SUGCT: variants seen among roughly 807,000 people sequenced by gnomAD.
SUGCT encodes succinyl-CoA:glutarate CoA-transferase.
Under a neutral mutation model 55.0 loss-of-function variants are expected in SUGCT, and 41 were observed. That is an observed-to-expected ratio of 0.74 (90% CI 0.58 to 0.97). The LOEUF (loss-of-function observed/expected upper bound fraction) is 0.97. SUGCT is among the 50% of genes least tolerant of loss of function. SUGCT has a pLI of 0.00. For synonymous variants in SUGCT, 187 were observed against 200.4 expected (o/e 0.93, Z 0.56); for missense variants, 568 against 547.8 (o/e 1.04, Z -0.37).
intron 3 of SUGCT, 26 bp downstream of exon 3, chr7:40,182,054 A>G: frequency 7.6e-7 from 1 of 1,324,026 alleles, no homozygotes; most frequent in Non-Finnish European, 1.1e-6. Flanking sequence ...CCTTTAAAAA[A>G]TAGAAACAAG....
At chr7:41,034,737 T>C in the SUGCT span, among the ~76,000 whole-genome samples, 10 of 152,206 alleles carry the variant, frequency 6.6e-5, no homozygotes, top group Admixed American at 5.2e-4. Flanking sequence ...TCTTTCTTCC[T>C]TCCTTCAGTC....
At chr7:40,553,785 T>A (rs1408485568) in intron 12 of SUGCT, among the ~76,000 whole-genome samples, 1 of 152,192 alleles carries the variant, frequency 6.6e-6, no homozygotes, top group Non-Finnish European at 1.5e-5. Flanking sequence ...AAACTATTGA[T>A]GTGTTTTGGA....
intron 1 of SUGCT, among the ~76,000 whole-genome samples, chr7:40,135,392 G>A (rs1787625856): frequency 6.6e-6 from 1 of 152,182 alleles, no homozygotes; most frequent in Admixed American, 6.5e-5. Flanking sequence ...TCGCGTTTGG[G>A]GCCTCTTTAC....
intron 13 of SUGCT, among the ~76,000 whole-genome samples, chr7:40,854,410 T>TCTTTCTTTC (rs200574362): frequency 3.2e-5 from 3 of 94,538 alleles, no homozygotes; most frequent in Non-Finnish European, 6.4e-5. Flanking sequence ...TTTCTTTCTT[T>TCTTTCTTTC]CTTTCTTTCC....
the SUGCT span, among the ~76,000 whole-genome samples, chr7:40,876,516 T>C: frequency 6.6e-6 from 1 of 152,184 alleles, no homozygotes; most frequent in South Asian, 2.1e-4. Context: ...TTAAATACTT[T>C]AAAGGAAAGG....
intron 12 of SUGCT, among the ~76,000 whole-genome samples, chr7:40,636,001 A>ATC (rs1800005582): frequency 6.6e-6 from 1 of 152,184 alleles, no homozygotes; most frequent in Non-Finnish European, 1.5e-5. Flanking sequence ...TGGAGCACAG[A>ATC]TATTCAGCTG....
At chr7:40,406,990 G>GA (rs1473404134) in intron 9 of SUGCT, among the ~76,000 whole-genome samples, 6 of 151,960 alleles carry the variant, frequency 3.9e-5, no homozygotes, top group African/African-American at 1.2e-4. Context: ...GTTCTTGGTT[G>GA]AAAACAAGTT....
intron 11 of SUGCT, among the ~76,000 whole-genome samples, chr7:40,483,413 T>G (rs1439905887): frequency 1.3e-5 from 2 of 152,196 alleles, no homozygotes; most frequent in Non-Finnish European, 2.9e-5. Context: ...ATATAGCACT[T>G]ACTTGTACTG....
chr7:40,242,131 AT>A (rs1326104473), intron 7 of SUGCT, among the ~76,000 whole-genome samples: 1 of 150,836 alleles, frequency 6.6e-6, no homozygotes, highest in Non-Finnish European at 1.5e-5. Flanking sequence ...TGATCCTCAC[AT>A]TGGTACTTCC....
intron 12 of SUGCT, among the ~76,000 whole-genome samples, chr7:40,617,886 A>G (rs1799085467): frequency 6.6e-6 from 1 of 152,102 alleles, no homozygotes; most frequent in South Asian, 2.1e-4. Context: ...GTTTTTTCAT[A>G]TGTCATCGAC....
chr7:40,722,097 AT>A (rs1786369989), intron 12 of SUGCT, among the ~76,000 whole-genome samples: 1 of 151,912 alleles, frequency 6.6e-6, no homozygotes, highest in East Asian at 1.9e-4. Context: ...TCTTTGAATG[AT>A]TTCGTCCACC....
intron 13 of SUGCT, 127 bp downstream of exon 13, chr7:40,749,624 G>A: frequency 2.7e-6 from 2 of 738,118 alleles, no homozygotes; most frequent in Admixed American, 2.3e-5. Context: ...ATAACATTGG[G>A]TAAAAGGGGA....
chr7:40,835,636 G>T (rs759653790), intron 13 of SUGCT, among the ~76,000 whole-genome samples: 3 of 152,126 alleles, frequency 2.0e-5, no homozygotes, highest in African/African-American at 7.2e-5. Flanking sequence ...TTGGAAGAAC[G>T]TATTTGATGG....
intron 9 of SUGCT, among the ~76,000 whole-genome samples, chr7:40,346,636 T>C (rs1353502749): frequency 1.3e-5 from 2 of 152,202 alleles, no homozygotes; most frequent in African/African-American, 4.8e-5. Context: ...TTTGCAGACA[T>C]ACACACACAC....
At chr7:40,516,140 T>C (rs988518091) in intron 12 of SUGCT, among the ~76,000 whole-genome samples, 4 of 152,230 alleles carry the variant, frequency 2.6e-5, no homozygotes, top group Admixed American at 6.5e-5. Flanking sequence ...TAAGGTATTA[T>C]TGACGCGTTG....
intron 11 of SUGCT, among the ~76,000 whole-genome samples, chr7:40,470,393 C>T (rs1284282537): frequency 2.0e-5 from 3 of 152,118 alleles, no homozygotes; most frequent in Non-Finnish European, 4.4e-5. Context: ...CCGACACCAC[C>T]TCTCTCCCAG....
At chr7:40,629,212 A>C (rs1032794441) in intron 12 of SUGCT, among the ~76,000 whole-genome samples, 1 of 152,180 alleles carries the variant, frequency 6.6e-6, no homozygotes, top group African/African-American at 2.4e-5. Flanking sequence ...AGCATAATTT[A>C]TGTGGTTTGA....
chr7:40,187,900 C>T (rs1360241717), intron 3 of SUGCT, among the ~76,000 whole-genome samples: 6 of 151,984 alleles, frequency 3.9e-5, no homozygotes, highest in African/African-American at 1.2e-4. Context: ...TGCGGTGGCT[C>T]ATACCTGTAA....
At chr7:40,154,782 G>A (rs1783801531) in intron 1 of SUGCT, among the ~76,000 whole-genome samples, 1 of 152,212 alleles carries the variant, frequency 6.6e-6, no homozygotes, top group South Asian at 2.1e-4. Flanking sequence ...AACTCTAGAA[G>A]TGAAGTATTG....
Sources: allele counts gnomAD v4.1 joint callset (sites outside exome capture counted in the v4.1 genomes callset), GRCh38; gene constraint gnomAD v4.1.1; transcripts MANE v1.5; gene names NCBI Gene and HGNC (gene_info 2026-07-23, HGNC 2026-07-21).